The following CCNY variants were observed in gnomAD, a reference collection of about 807,000 sequenced individuals.
CCNY encodes the protein cyclin-Y.
CCNY carries 19 observed loss-of-function variants against 42.8 expected under a neutral mutation model. The ratio of observed to expected loss-of-function variants is 0.44; its 90% confidence interval spans 0.31 to 0.65. CCNY has a LOEUF of 0.65. CCNY is among the 30% of genes least tolerant of loss of function. The pLI is 0.07. For missense variants in CCNY, 370 were observed against 437.3 expected (o/e 0.85, Z 1.37); for synonymous variants, 165 against 162.7 (o/e 1.01, Z -0.11).
At chr10:35,340,662 G>A (rs529909507) in intron 1 of CCNY, among the ~76,000 whole-genome samples, 1 of 152,044 alleles carries the variant, frequency 6.6e-6, no homozygotes, top group East Asian at 1.9e-4. Context: ...GCGCCACCAC[G>A]CCTGGCTAAT....
At chr10:35,413,860 C>G (rs577885666) in intron 1 of CCNY, among the ~76,000 whole-genome samples, 1 of 152,236 alleles carries the variant, frequency 6.6e-6, no homozygotes, top group South Asian at 2.1e-4. Context: ...CAGAACTTGA[C>G]TGAGAAGTGA....
At chr10:35,331,740 T>C (rs2135105341), upstream of CCNY, among the ~76,000 whole-genome samples, 1 of 152,354 alleles carries the variant, frequency 6.6e-6, no homozygotes, top group East Asian at 1.9e-4. Flanking sequence ...GGACGCACAA[T>C]TTCTGGGTAG....
intron 1 of CCNY, among the ~76,000 whole-genome samples, chr10:35,416,231 C>T (rs1035674585): frequency 6.6e-6 from 1 of 150,494 alleles, no homozygotes; most frequent in African/African-American, 2.5e-5. Context: ...GCCTACCTAC[C>T]GTGTACTTTG....
chr10:35,570,301 G>A lies in CCNY; in HGVS notation c.*1131G>A, dbSNP rs1841662214. 6.6e-6 allele frequency: 1 copy of A among 152,278 alleles called. No individual in the cohort carries two copies. The highest frequency in any genetic ancestry group is 1.5e-5 in the Non-Finnish European group (1 of 68,034). The allele number at this position is 152,278 out of a possible 1,614,324, so 9.4% of individuals were successfully genotyped here. Reference sequence around the variant, plus strand: ...GAAGGGAAAAATGTTACTATTTACTGAGGTATTTTTCACAGAATGATTGAA... The same window carrying A: ...GAAGGGAAAAATGTTACTATTTACTAAGGTATTTTTCACAGAATGATTGAA... On this transcript the variant is annotated 3_prime_UTR_variant, in exon 10 of 10. Transcript: ENST00000374704.
At chr10:35,511,490 T>C (rs559312079) in intron 3 of CCNY, among the ~76,000 whole-genome samples, 1 of 152,064 alleles carries the variant, frequency 6.6e-6, no homozygotes, top group Non-Finnish European at 1.5e-5. Flanking sequence ...GGAAAAGGTC[T>C]GTAGGGTATT....
intron 7 of CCNY, among the ~76,000 whole-genome samples, chr10:35,539,976 GATTCTTT>G (rs1840965681): frequency 6.6e-6 from 1 of 152,154 alleles, no homozygotes; most frequent in Non-Finnish European, 1.5e-5. Context: ...TTTTTCAGTA[GATTCTTT>G]AGAATGTTAC....
intron 3 of CCNY, among the ~76,000 whole-genome samples, chr10:35,258,247 A>G (rs4244995): frequency 0.37 from 55,548 of 151,998 alleles, 10,648 homozygotes; most frequent in African/African-American, 0.49. Flanking sequence ...TATTGTTGTT[A>G]TTGTTAACAA....
At chr10:35,543,170 G>A (rs1841039449) in intron 7 of CCNY, among the ~76,000 whole-genome samples, 1 of 152,136 alleles carries the variant, frequency 6.6e-6, no homozygotes. Flanking sequence ...GTAAAATACT[G>A]TGTGTGTTGG....
intron 5 of CCNY, among the ~76,000 whole-genome samples, chr10:35,529,727 G>C (rs546441187): frequency 1.3e-5 from 2 of 151,674 alleles, no homozygotes; most frequent in Admixed American, 6.6e-5. Context: ...AAAATTAGCC[G>C]GGTGTGGTGT....
intron 3 of CCNY, among the ~76,000 whole-genome samples, chr10:35,514,281 C>A (rs1840383968): frequency 6.6e-6 from 1 of 152,116 alleles, no homozygotes; most frequent in African/African-American, 2.4e-5. Flanking sequence ...AAACTAAAAT[C>A]TTTATAACTC....
At chr10:35,480,158 C>G (rs996368461) in intron 1 of CCNY, among the ~76,000 whole-genome samples, 3 of 152,172 alleles carry the variant, frequency 2.0e-5, no homozygotes, top group African/African-American at 7.2e-5. Flanking sequence ...TGCTGTGTGT[C>G]ACCGCACTGG....
chr10:35,434,128 T>C (rs1037895638), intron 1 of CCNY: 1 of 152,210 alleles, frequency 6.6e-6, no homozygotes, highest in Admixed American at 6.5e-5. Flanking sequence ...TAAAAACCAG[T>C]GACATGTAGC....
intron 1 of CCNY, among the ~76,000 whole-genome samples, chr10:35,474,046 G>A (rs2135349716): frequency 6.6e-6 from 1 of 152,310 alleles, no homozygotes; most frequent in East Asian, 1.9e-4. Flanking sequence ...GACGGCACCT[G>A]GAAAATCGGG....
chr10:35,301,760 G>T (rs1564362457), intron 3 of CCNY, among the ~76,000 whole-genome samples: 1 of 152,012 alleles, frequency 6.6e-6, no homozygotes, highest in South Asian at 2.1e-4. Flanking sequence ...CTCCTGAGTA[G>T]CTGGGACAGG....
At position 35,311,607 on chromosome 10, in the gene CCNY, G is replaced by C. The variant is rs564724733; in HGVS notation, c.-9+60981G>C. 3.3e-5 allele frequency among the ~76,000 whole-genome samples: 5 copies of C among 152,118 alleles called. No homozygotes were observed. The South Asian group carries it at 1.0e-3, about 32-fold the overall frequency. ...TGGGAGGATCACTTGAGCTCAGGGAGTTTGAGGCTGCAGTGATCCAAGATT... is the reference window on the plus strand; with the variant it reads ...TGGGAGGATCACTTGAGCTCAGGGACTTTGAGGCTGCAGTGATCCAAGATT... On this transcript the variant is annotated intron_variant, in intron 3 of 11. Coordinates refer to the CCNY transcript ENST00000374706.
Position 35,429,519 on chromosome 10 carries a change from CAT to C in CCNY, c.155-53884_155-53883del, listed in dbSNP as rs1163244851. Among the ~76,000 whole-genome samples the C allele has an allele frequency of 2.0e-5, 3 of 152,262 alleles. No homozygotes were observed. In the East Asian group the frequency reaches 5.8e-4, roughly 29 times the overall value. ...GACAAAAGAGTTTGAAAATATTTGA[CAT>C]GTGTCATCCTAGGGTTTGTGATAGT... On this transcript the variant is annotated intron_variant, in intron 1 of 9. Transcript: ENST00000374704.
chr10:35,248,980 C>A (rs766053962), intron 2 of CCNY, among the ~76,000 whole-genome samples: 9 of 152,198 alleles, frequency 5.9e-5, no homozygotes, highest in African/African-American at 2.2e-4. Flanking sequence ...TAGGGTCTCA[C>A]TCTGTTGCCC....
intron 1 of CCNY, among the ~76,000 whole-genome samples, chr10:35,453,395 T>C (rs913808332): frequency 2.6e-5 from 4 of 152,250 alleles, no homozygotes; most frequent in African/African-American, 9.6e-5. Flanking sequence ...AGTCCTTTAT[T>C]ACTAGACATA....
intron 3 of CCNY, among the ~76,000 whole-genome samples, chr10:35,275,851 G>A (rs1201594089): frequency 3.3e-5 from 5 of 152,156 alleles, no homozygotes; most frequent in Non-Finnish European, 5.9e-5. Flanking sequence ...GACCTAGGTC[G>A]GGACCCATGG....
Sources: allele counts gnomAD v4.1 joint callset (sites outside exome capture counted in the v4.1 genomes callset), GRCh38; gene constraint gnomAD v4.1.1; transcripts MANE v1.5; gene names NCBI Gene and HGNC (gene_info 2026-07-23, HGNC 2026-07-21).